The following CFAP107 variants were observed in gnomAD, a reference collection of about 807,000 sequenced individuals.
The protein encoded by CFAP107 is cilia- and flagella-associated protein 107.
the CFAP107 span, chr1:12,760,749 G>A: frequency 6.2e-7 from 1 of 1,608,920 alleles, no homozygotes; most frequent in Non-Finnish European, 8.5e-7. Context: ...CCATTCAACT[G>A]GACCCTGGTT....
chr1:12,762,504 T>A, the CFAP107 span: 2 of 152,034 alleles, frequency 1.3e-5, no homozygotes, highest in Non-Finnish European at 2.9e-5. Context: ...GTTTGTTGGA[T>A]GAGTGGATGA....
the CFAP107 span, among the ~76,000 whole-genome samples, chr1:12,757,552 T>A: frequency 6.6e-6 from 1 of 151,952 alleles, no homozygotes; most frequent in Non-Finnish European, 1.5e-5. Context: ...CTGGCTAATT[T>A]TTTTTGTATT....
chr1:12,752,421 C>T, the CFAP107 span, among the ~76,000 whole-genome samples: 2 of 151,268 alleles, frequency 1.3e-5, no homozygotes, highest in Non-Finnish European at 2.9e-5. Flanking sequence ...CTTGTCCCTA[C>T]AAAAAATACA....
chr1:12,750,924 A>T, the CFAP107 span, among the ~76,000 whole-genome samples: 5 of 152,312 alleles, frequency 3.3e-5, no homozygotes, highest in Non-Finnish European at 7.4e-5. Context: ...TTAATAAATT[A>T]TAAAGATTAA....
chr1:12,756,247 G>A, the CFAP107 span, among the ~76,000 whole-genome samples: 4 of 152,178 alleles, frequency 2.6e-5, no homozygotes, highest in Non-Finnish European at 5.9e-5. Context: ...TCCACACACC[G>A]TATTGACTGG....
chr1:12,750,357 A>G, the CFAP107 span, among the ~76,000 whole-genome samples: 1 of 152,230 alleles, frequency 6.6e-6, no homozygotes, highest in Non-Finnish European at 1.5e-5. Context: ...AAATACTAAA[A>G]TGGCAAATAT....
chr1:12,755,202 C>T, the CFAP107 span, among the ~76,000 whole-genome samples: 1 of 152,042 alleles, frequency 6.6e-6, no homozygotes, highest in Non-Finnish European at 1.5e-5. Flanking sequence ...GTTGAGAGAT[C>T]GAGACCATCC....
At chr1:12,746,393 C>T in the CFAP107 span, 1 of 1,542,720 alleles carries the variant, frequency 6.5e-7, no homozygotes, top group Non-Finnish European at 9.0e-7. Context: ...AAGCCTTAAA[C>T]TGCATCAAGT....
the CFAP107 span, among the ~76,000 whole-genome samples, chr1:12,752,985 A>AAC: frequency 6.6e-6 from 1 of 152,190 alleles, no homozygotes; most frequent in Non-Finnish European, 1.5e-5. Flanking sequence ...ATATATAGGA[A>AAC]ACACACACAC....
chr1:12,760,754 C>T, the CFAP107 span: 51 of 1,610,590 alleles, frequency 3.2e-5, no homozygotes, highest in African/African-American at 6.3e-4. Flanking sequence ...CAACTGGACC[C>T]TGGTTTCTCT....
At chr1:12,747,279 G>C in the CFAP107 span, among the ~76,000 whole-genome samples, 1 of 152,012 alleles carries the variant, frequency 6.6e-6, no homozygotes, top group Non-Finnish European at 1.5e-5. Flanking sequence ...ATGTTGGCCA[G>C]GCTGGTCTTG....
chr1:12,752,426 A>G, the CFAP107 span, among the ~76,000 whole-genome samples: 4 of 151,946 alleles, frequency 2.6e-5, no homozygotes, highest in Non-Finnish European at 4.4e-5. Context: ...CCCTACAAAA[A>G]ATACAAAAAT....
the CFAP107 span, among the ~76,000 whole-genome samples, chr1:12,757,008 C>A: frequency 1.3e-5 from 2 of 152,220 alleles, no homozygotes; most frequent in Non-Finnish European, 2.9e-5. Flanking sequence ...TCAGACCACA[C>A]TGACATCTCC....
the CFAP107 span, among the ~76,000 whole-genome samples, chr1:12,757,666 G>A: frequency 2.5e-4 from 38 of 152,072 alleles, no homozygotes; most frequent in Middle Eastern, 3.2e-3. Flanking sequence ...GATTACAGGC[G>A]TGAGCCACGG....
At chr1:12,759,227 C>A in the CFAP107 span, 5 of 1,491,496 alleles carry the variant, frequency 3.4e-6, no homozygotes, top group Admixed American at 5.3e-5. Context: ...CAGACCCCTA[C>A]ATGTGGCAGC....
the CFAP107 span, among the ~76,000 whole-genome samples, chr1:12,757,439 T>C: frequency 2.0e-5 from 3 of 151,604 alleles, no homozygotes; most frequent in Non-Finnish European, 4.4e-5. Context: ...TAGAGTGCAG[T>C]GGTGTGATGT....
the CFAP107 span, chr1:12,759,485 T>C: frequency 6.2e-7 from 1 of 1,614,172 alleles, no homozygotes. Context: ...TTTCCCCTTC[T>C]TGGTACCTTT....
the CFAP107 span, among the ~76,000 whole-genome samples, chr1:12,760,110 G>T: frequency 1.3e-5 from 2 of 152,052 alleles, no homozygotes; most frequent in African/African-American, 4.8e-5. Flanking sequence ...GGGATTGAGG[G>T]GGAGGACATT....
chr1:12,760,932 A>G, the CFAP107 span: 2 of 1,612,994 alleles, frequency 1.2e-6, no homozygotes, highest in Middle Eastern at 1.7e-4. Context: ...CATCGCCTGC[A>G]TCCTCTCCCA....
Sources: gnomAD v4.1 joint callset for allele counts (sites outside exome capture counted in the v4.1 genomes callset) on GRCh38, gnomAD v4.1.1 for gene constraint, MANE v1.5 for transcripts, NCBI Gene and HGNC (gene_info 2026-07-23, HGNC 2026-07-21) for gene names.